Variants in RNF213 observed in about 807,000 individuals in gnomAD.
RNF213 encodes the protein E3 ubiquitin-protein ligase RNF213.
In RNF213, 341 loss-of-function variants were observed where a neutral mutation model predicts 514.4. The observed-to-expected ratio is 0.66, with a 90% CI of 0.61 to 0.73. The LOEUF (loss-of-function observed/expected upper bound fraction) is 0.73. Among genes scored for constraint, RNF213 ranks in the 30% least tolerant of loss-of-function variants. The probability of loss-of-function intolerance (pLI) is 0.00; values close to 1 mark genes in which losing one functional copy is unlikely to be tolerated. For synonymous variants in RNF213, 2,655 were observed against 2,658.2 expected, an observed-to-expected ratio of 1.00 and a Z score of 0.04; for missense variants, 5,767 against 6,615.6, an observed-to-expected ratio of 0.87 and a Z score of 4.45.
rs1049581142 is a variant in RNF213 at position 80,319,224 on chromosome 17, A to G, written c.2936A>G (p.Asn979Ser). 28 of 1,614,172 alleles carry G rather than the reference A, an allele frequency of 1.7e-5. No homozygotes were observed. Among genetic ancestry groups the G allele is most frequent in the East Asian group, 1.3e-4 (6 of 44,886 alleles). Residue 979 changes from asparagine to serine, a missense_variant, in exon 17 of 68, where the codon AAT becomes AGT. This residue lies in a region of RNF213 where 516 missense variants were observed against 566.5 expected (regional missense o/e 0.91). Coordinates refer to ENST00000582970, the MANE Select transcript of RNF213 (RefSeq NM_001256071.3). ...EPLSQITAYC[N>S]SCWDTKGLED... The stretch of plus-strand genomic sequence containing the variant: ...CTCTCCCAGATCACTGCCTACTGCA[A>G]TAGTTGCTGGGACACCAAAGGCTTA...
chr17:80,343,185 G>C lies in RNF213; in HGVS notation c.6043G>C (p.Val2015Leu). ...CGACAAAATGAAGATGCAGTTAAAC[G>C]TGAAAAATGTGCCTCTGAAAACAAT... The part of the protein sequence containing the change: ...LHDKMKMQLN[V>L]KNVPLKTIRL... The change falls in exon 27 of 68, where the codon GTG (valine) becomes CTG (leucine). Residue 2015 changes from valine (V) to leucine (L), a missense_variant. Transcript: ENST00000582970. This position sits in a 1 kb window ranked among gnomAD's most constrained non-coding sequence, Gnocchi z 4.3. 1 of 1,614,022 alleles carries C rather than the reference G, an allele frequency of 6.2e-7. No individual in the cohort carries two copies. Among genetic ancestry groups the C allele is most frequent in the Non-Finnish European group, 8.5e-7 (1 of 1,179,954 alleles).
At chr17:80,338,215 G>T (rs898030731) in intron 25 of RNF213, among the ~76,000 whole-genome samples, 2 of 152,152 alleles carry the variant, frequency 1.3e-5, no homozygotes, top group Non-Finnish European at 2.9e-5. Flanking sequence ...AGGCCCCTGG[G>T]TTAGCAGTCC....
chr17:80,306,393 T>C lies in RNF213; in HGVS notation c.2352T>C (p.Phe784=). 1 of 1,614,206 alleles carries C rather than the reference T, an allele frequency of 6.2e-7. No individual in the cohort carries two copies. Among genetic ancestry groups the C allele is most frequent in the Non-Finnish European group, 8.5e-7 (1 of 1,180,030 alleles). ...MENFIEHLGR[F]PAHILDCLSG... ...ACTTCATTGAGCACCTGGGTCGTTT[T>C]CCTGCTCATATCCTGGACTGTCTTT... The change falls in exon 12 of 68, where the codon TTT becomes TTC. Residue 784 remains phenylalanine (F), a synonymous_variant. Transcript: ENST00000582970.
chr17:80,359,395 G>A (rs947595641), intron 37 of RNF213, among the ~76,000 whole-genome samples: 13 of 151,508 alleles, frequency 8.6e-5, no homozygotes, highest in Admixed American at 3.3e-4. Flanking sequence ...AACGTGGTGC[G>A]CACCTGTAGT....
At chr17:80,385,722 A>G in intron 61 of RNF213, 101 bp downstream of exon 61, 1 of 993,870 alleles carries the variant, frequency 1.0e-6, no homozygotes, top group Admixed American at 1.9e-5. Context: ...AACACCCAGC[A>G]CTGTGTTTGT....
At chr17:80,280,849 G>C (rs2044231097) in intron 3 of RNF213, among the ~76,000 whole-genome samples, 1 of 152,108 alleles carries the variant, frequency 6.6e-6, no homozygotes, top group Non-Finnish European at 1.5e-5. Flanking sequence ...GAGATTTATA[G>C]TAAAGCTGTC....
chr17:80,372,101 G>A, intron 47 of RNF213, 116 bp downstream of exon 47: 1 of 726,014 alleles, frequency 1.4e-6, no homozygotes, highest in East Asian at 2.6e-5. Context: ...GTTCCGTGCA[G>A]AAAAGAAGAA....
Position 80,290,622 on chromosome 17 carries a change from C to T in RNF213, c.1165C>T (p.Leu389Phe). The T allele has an allele frequency of 6.2e-7, 1 of 1,614,180 alleles. No homozygotes were observed. The highest frequency in any genetic ancestry group is 8.5e-7 in the Non-Finnish European group (1 of 1,180,038). ...CGTGTTCTTCCACGCCATCATCTCT[C>T]TTCATTTCCCATTCAATCCTGACCT... is the stretch of plus-strand genomic sequence containing the variant. ...VTVFFHAIISLHFPFNPDLHK... is the reference protein window; with the variant it reads ...VTVFFHAIISFHFPFNPDLHK... Residue 389 changes from leucine to phenylalanine, a missense_variant, in exon 7 of 68, where the codon CTT becomes TTT. Physicochemically the swap from Leu to Phe is conservative, Grantham distance 22. This residue lies in a region of RNF213 where 509 missense variants were observed against 496.7 expected (regional missense o/e 1.02). Coordinates refer to ENST00000582970, the MANE Select transcript of RNF213 (RefSeq NM_001256071.3).
At position 80,376,951 on chromosome 17, in the gene RNF213, G is replaced by A. The variant is rs745531099; in HGVS notation, c.13498G>A (p.Val4500Ile). ...QARRWKGLER[V>I]HWYTCPNGHP... is the part of the protein sequence containing the mutation. Reference sequence around the variant, plus strand: ...TCGGAGGTGGAAGGGTCTGGAGCGAGTCCACTGGTACAGTAAGTGTTGGGG... The same window carrying A: ...TCGGAGGTGGAAGGGTCTGGAGCGAATCCACTGGTACAGTAAGTGTTGGGG... The change falls in exon 53 of 68, where the codon GTC becomes ATC. Residue 4500 changes from valine to isoleucine, a missense_variant. Physicochemically the swap from Val to Ile is conservative, Grantham distance 29. Coordinates refer to ENST00000582970, the MANE Select transcript of RNF213 (RefSeq NM_001256071.3). 3 of 1,613,634 alleles carry A rather than the reference G, an allele frequency of 1.9e-6. No homozygotes were observed. The East Asian group carries it at 6.7e-5, about 36-fold the overall frequency.
intron 14 of RNF213, among the ~76,000 whole-genome samples, chr17:80,312,645 A>G (rs138083033): frequency 6.6e-6 from 1 of 152,284 alleles, no homozygotes; most frequent in Non-Finnish European, 1.5e-5. Flanking sequence ...TGTCTAAGGA[A>G]CAGGCCCGGG....
At chr17:80,308,171 G>A (rs1310654904) in intron 13 of RNF213, among the ~76,000 whole-genome samples, 1 of 152,026 alleles carries the variant, frequency 6.6e-6, no homozygotes, top group Non-Finnish European at 1.5e-5. Context: ...TGTTGTCTGA[G>A]CTGTTCTCTG....
intron 55 of RNF213, 49 bp downstream of exon 55, chr17:80,379,763 TG>T: frequency 6.7e-7 from 1 of 1,499,362 alleles, no homozygotes; most frequent in Non-Finnish European, 9.3e-7. Flanking sequence ...TTTGGGGTGT[TG>T]GGCTGTTTTT....
intron 29 of RNF213, among the ~76,000 whole-genome samples, 167 bp from the exon 30 acceptor site, chr17:80,349,603 G>A (rs1413710503): frequency 6.6e-6 from 1 of 152,176 alleles, no homozygotes; most frequent in Non-Finnish European, 1.5e-5. Context: ...CTCGGCCCCA[G>A]CGCTGCCGTG....
Position 80,343,777 on chromosome 17 carries a change from A to G in RNF213, c.6184-80A>G. On this transcript the variant is annotated intron_variant, in intron 27 of 67. Coordinates refer to ENST00000582970, the MANE Select transcript of RNF213 (RefSeq NM_001256071.3). This position sits in a 1 kb window ranked among gnomAD's most constrained non-coding sequence, Gnocchi z 4.3. ...CATCAGGATCATCGTGACAAAGAGC[A>G]AAATAAGGAGGGGTTACTTAGAGTT... The G allele has an allele frequency of 6.8e-7, 1 of 1,469,190 alleles. No homozygotes were observed. The highest frequency in any genetic ancestry group is 1.1e-5 in the South Asian group (1 of 87,594). The allele number at this position is 1,469,190 out of a possible 1,614,324, so 91.0% of individuals were successfully genotyped here. A position where few individuals can be genotyped will look rare whatever the true frequency, so the allele number is the denominator to read the frequency against.
At chr17:80,331,632 G>T (rs113042505) in intron 20 of RNF213, among the ~76,000 whole-genome samples, 1 of 151,978 alleles carries the variant, frequency 6.6e-6, no homozygotes, top group African/African-American at 2.4e-5. Flanking sequence ...CAGGTGATCC[G>T]CCCATCTCAG....
chr17:80,288,904 A>G lies in RNF213; in HGVS notation c.933+149A>G. The stretch of plus-strand genomic sequence containing the variant: ...CTGGCCTTCGGGGTGCTCACATTCC[A>G]GCGGAGAGAGAGTCAGGAAACCGAC... On this transcript the variant is annotated intron_variant, in intron 5 of 67. Coordinates refer to ENST00000582970, the MANE Select transcript of RNF213 (RefSeq NM_001256071.3). This position sits in a 1 kb window ranked among gnomAD's most constrained non-coding sequence, Gnocchi z 4.9. The G allele has an allele frequency of 7.2e-7, 1 of 1,397,392 alleles. No individual in the cohort carries two copies. Among genetic ancestry groups the G allele is most frequent in the South Asian group, 1.2e-5 (1 of 82,338 alleles). The allele number at this position is 1,397,392 out of a possible 1,614,324, so 86.6% of individuals were successfully genotyped here.
intron 17 of RNF213, among the ~76,000 whole-genome samples, chr17:80,323,463 G>A (rs2046198450): frequency 6.6e-6 from 1 of 152,166 alleles, no homozygotes; most frequent in Non-Finnish European, 1.5e-5. Context: ...GGTATTCAAT[G>A]TATAGATCAG....
chr17:80,371,913 C>T lies in RNF213; in HGVS notation c.12465C>T (p.Thr4155=), dbSNP rs377733851. ...AAGATTATATTCAGGAATATTTGAC[C>T]CTGTTAAAAAAGAAAGCATTCATAA... ...DVKDYIQEYL[T]LLKKKAFITE... is the part of the protein sequence containing the mutation. Residue 4155 remains threonine (T), a synonymous_variant, in exon 47 of 68, where the codon ACC becomes ACT. Coordinates refer to ENST00000582970, the MANE Select transcript of RNF213 (RefSeq NM_001256071.3). 5.3e-5 allele frequency: 83 copies of T among 1,578,650 alleles called. No homozygotes were observed. The highest frequency in any genetic ancestry group is 6.1e-5 in the Non-Finnish European group (70 of 1,147,910).
At chr17:80,290,045 C>T (rs945208433) in intron 6 of RNF213, among the ~76,000 whole-genome samples, 1 of 152,230 alleles carries the variant, frequency 6.6e-6, no homozygotes, top group Non-Finnish European at 1.5e-5. Flanking sequence ...CCCCTGGGGT[C>T]CTGGAGCCAG....
Sources: gnomAD v4.1 joint callset for allele counts (sites outside exome capture counted in the v4.1 genomes callset) on GRCh38, gnomAD v4.1.1 for gene constraint, gnomAD v4.1.1 regional missense constraint, Gnocchi (gnomAD v3.1) non-coding constraint, MANE v1.5 for transcripts, NCBI Gene and HGNC (gene_info 2026-07-23, HGNC 2026-07-21) for gene names.